The following KLF13 variants were observed in gnomAD, a reference collection of about 807,000 sequenced individuals.
KLF13 encodes Krueppel-like factor 13.
In KLF13, 8 loss-of-function variants were observed where a neutral mutation model predicts 16.7. The ratio of observed to expected loss-of-function variants is 0.48; its 90% confidence interval spans 0.28 to 0.87. KLF13 has a LOEUF of 0.87. Among genes scored for constraint, KLF13 ranks in the 40% least tolerant of loss-of-function variants. KLF13 has a pLI of 0.10. For missense variants in KLF13, 447 were observed against 452.2 expected (o/e 0.99, Z 0.10); for synonymous variants, 245 against 208.4 (o/e 1.18, Z -1.51).
intron 2 of KLF13, among the ~76,000 whole-genome samples, chr15:31,399,093 A>G (rs988210037): frequency 2.6e-5 from 4 of 152,038 alleles, no homozygotes; most frequent in African/African-American, 9.7e-5. Flanking sequence ...AGCAGAGCAG[A>G]CTCCACTGGG....
chr15:31,403,386 A>G (rs2040069172), intron 2 of KLF13: 1 of 152,244 alleles, frequency 6.6e-6, no homozygotes, highest in African/African-American at 2.4e-5. Flanking sequence ...AGGCCCCACC[A>G]TACATGTTCC....
chr15:31,336,693 G>A (rs1330230816), intron 1 of KLF13, among the ~76,000 whole-genome samples: 2 of 152,190 alleles, frequency 1.3e-5, no homozygotes, highest in African/African-American at 4.8e-5. Context: ...TGGAAATAGA[G>A]CGAAGGCGTA....
At chr15:31,384,541 A>C (rs2140978244) in intron 1 of KLF13, among the ~76,000 whole-genome samples, 1 of 152,304 alleles carries the variant, frequency 6.6e-6, no homozygotes, top group South Asian at 2.1e-4. Flanking sequence ...CTAAATTCTC[A>C]AAACTACTCA....
intron 1 of KLF13, among the ~76,000 whole-genome samples, chr15:31,346,475 A>G (rs551744307): frequency 4.6e-4 from 70 of 152,292 alleles, no homozygotes; most frequent in South Asian, 1.2e-3. Context: ...ACAGCTGTGG[A>G]AAGCCCCCAG....
chr15:31,407,220 G>T (rs2040140285), downstream of KLF13, among the ~76,000 whole-genome samples: 1 of 152,176 alleles, frequency 6.6e-6, no homozygotes, highest in Non-Finnish European at 1.5e-5. Flanking sequence ...GCTCACACCT[G>T]TAATCCCATT....
At chr15:31,354,737 T>A (rs773922626) in intron 1 of KLF13, among the ~76,000 whole-genome samples, 1 of 152,156 alleles carries the variant, frequency 6.6e-6, no homozygotes, top group Non-Finnish European at 1.5e-5. Context: ...GATGCCCACA[T>A]CTTCAGGACA....
intron 1 of KLF13, among the ~76,000 whole-genome samples, chr15:31,360,324 G>T (rs572144554): frequency 2.6e-5 from 4 of 152,150 alleles, no homozygotes; most frequent in African/African-American, 7.2e-5. Context: ...AGAAGAGGTG[G>T]CCCCCCAGAG....
chr15:31,379,827 C>A (rs566466711), downstream of KLF13, among the ~76,000 whole-genome samples: 7 of 152,242 alleles, frequency 4.6e-5, no homozygotes, highest in South Asian at 1.0e-3. Context: ...TGGACCTGAC[C>A]CTTTTTCCAT....
At chr15:31,400,888 T>C (rs1484864233) in intron 2 of KLF13, among the ~76,000 whole-genome samples, 1 of 152,082 alleles carries the variant, frequency 6.6e-6, no homozygotes, top group East Asian at 1.9e-4. Context: ...CAAGATAAGC[T>C]GACCCCGAGA....
At chr15:31,398,630 C>T (rs1013815465) in intron 2 of KLF13, among the ~76,000 whole-genome samples, 7 of 152,222 alleles carry the variant, frequency 4.6e-5, no homozygotes, top group Non-Finnish European at 7.4e-5. Context: ...CTCAGGGCTC[C>T]GAGCCCTCCC....
At chr15:31,382,653 T>C (rs1301368899), downstream of KLF13, among the ~76,000 whole-genome samples, 2 of 152,174 alleles carry the variant, frequency 1.3e-5, no homozygotes, top group Admixed American at 1.3e-4. Flanking sequence ...TCCAATGCAA[T>C]GTCCTCTAAA....
chr15:31,336,994 G>A (rs543655249), intron 1 of KLF13, among the ~76,000 whole-genome samples: 77 of 152,334 alleles, frequency 5.1e-4, no homozygotes, highest in African/African-American at 1.8e-3. Context: ...GTGACACACA[G>A]TCTGAGCATT....
intron 1 of KLF13, among the ~76,000 whole-genome samples, chr15:31,355,700 C>T (rs1354982364): frequency 3.3e-5 from 5 of 152,126 alleles, no homozygotes; most frequent in African/African-American, 9.7e-5. Context: ...AGCCAGCATG[C>T]GGTATTTTGG....
chr15:31,401,901 A>G (rs2040042084), intron 2 of KLF13, among the ~76,000 whole-genome samples: 1 of 152,224 alleles, frequency 6.6e-6, no homozygotes, highest in Non-Finnish European at 1.5e-5. Context: ...AGCATCACTT[A>G]CCTGGAGTGG....
intron 1 of KLF13, chr15:31,420,268 C>T (rs1474907500): frequency 1.0e-5 from 8 of 767,570 alleles, no homozygotes; most frequent in Middle Eastern, 4.2e-4. Context: ...TATCTGGTGA[C>T]AAAGGGATTT....
intron 2 of KLF13, among the ~76,000 whole-genome samples, chr15:31,395,935 C>G (rs1315002445): frequency 5.9e-5 from 9 of 152,200 alleles, no homozygotes; most frequent in African/African-American, 2.2e-4. Flanking sequence ...CATCCTCTGC[C>G]TACTGGACAT....
In KLF13 at chr15:31,410,946, C is replaced by T. The variant is rs2040186745; in HGVS notation, n.117+17255C>T. Among the ~76,000 whole-genome samples the T allele has an allele frequency of 2.0e-5, 3 of 152,204 alleles. No individual in the cohort carries two copies. In the South Asian group the frequency reaches 6.2e-4, roughly 32 times the overall value. The stretch of plus-strand genomic sequence containing the variant: ...TAAGCAGAGTAAAATGGATCAATTC[C>T]TTAAAAGATATGATCAAAACTCACT... On this transcript the variant is annotated intron_variant and non_coding_transcript_variant, in intron 1 of 1. Transcript: ENST00000558225.
chr15:31,406,991 C>A (rs2040137120), downstream of KLF13, among the ~76,000 whole-genome samples: 1 of 152,198 alleles, frequency 6.6e-6, no homozygotes, highest in South Asian at 2.1e-4. Flanking sequence ...TAAATGACAT[C>A]TGCAAAGTCC....
In KLF13 at chr15:31,327,135, G is replaced by C; in HGVS notation, c.-78G>C. On this transcript the variant is annotated 5_prime_UTR_variant, in exon 1 of 2. Transcript: ENST00000307145. ...CGCGCCGCGCCCCCGCCCCCCGCCC[G>C]CTCTCCCGAGGCCGTGGGTGCGGAT... 3.1e-3 allele frequency: 1,553 copies of C among 500,774 alleles called. No individual in the cohort carries two copies. The highest frequency in any genetic ancestry group is 6.2e-3 in the East Asian group (40 of 6,496). 31.0% of individuals were successfully genotyped at this position (500,774 alleles called of 1,614,324 possible).
Sources: allele counts gnomAD v4.1 joint callset (sites outside exome capture counted in the v4.1 genomes callset), GRCh38; gene constraint gnomAD v4.1.1; transcripts MANE v1.5; gene names NCBI Gene and HGNC (gene_info 2026-07-23, HGNC 2026-07-21).